GALNT13: variants seen among roughly 807,000 people sequenced by gnomAD.
The protein encoded by GALNT13 is polypeptide N-acetylgalactosaminyltransferase 13.
Under a neutral mutation model 64.2 loss-of-function variants are expected in GALNT13, and 28 were observed. That is an observed-to-expected ratio of 0.44 (90% CI 0.32 to 0.60). GALNT13 has a LOEUF of 0.60. Among genes scored for constraint, GALNT13 ranks in the 20% least tolerant of loss-of-function variants. The pLI is 0.05. For missense variants in GALNT13, 577 were observed against 669.8 expected, an observed-to-expected ratio of 0.86 and a Z score of 1.53; for synonymous variants, 214 against 224.6, an observed-to-expected ratio of 0.95 and a Z score of 0.42.
intron 9 of GALNT13, among the ~76,000 whole-genome samples, chr2:154,354,405 CTTTTTTTTTTTTTTTTTTTTTTTTTTTT>C (rs546187850): frequency 1.7e-5 from 1 of 60,360 alleles, no homozygotes; most frequent in African/African-American, 6.9e-5. Flanking sequence ...TGATGTAGTC[CTTTTTTTTTTTTTTTTTTTTTTTTTTTT>C]TTTTTTTTTT....
At chr2:153,675,978 G>A in the GALNT13 span, among the ~76,000 whole-genome samples, 1 of 151,990 alleles carries the variant, frequency 6.6e-6, no homozygotes, top group South Asian at 2.1e-4. Flanking sequence ...GAGCAAATCA[G>A]CCCCAAAGCT....
intron 1 of GALNT13, among the ~76,000 whole-genome samples, chr2:153,880,239 T>C (rs1425134396): frequency 6.6e-6 from 1 of 152,150 alleles, no homozygotes; most frequent in Non-Finnish European, 1.5e-5. Flanking sequence ...TAAGATGGAA[T>C]ATTTGTAATT....
the GALNT13 span, among the ~76,000 whole-genome samples, chr2:153,632,590 T>G: frequency 6.6e-6 from 1 of 152,164 alleles, no homozygotes; most frequent in Non-Finnish European, 1.5e-5. Flanking sequence ...TTTTACTATC[T>G]CAATAGTTTT....
chr2:154,225,122 A>AGATAGATAGAT (rs1553499052), intron 4 of GALNT13, among the ~76,000 whole-genome samples: 1 of 141,296 alleles, frequency 7.1e-6, no homozygotes, highest in East Asian at 2.1e-4. Context: ...ATAGATAGAT[A>AGATAGATAGAT]GATAGATAGA....
chr2:153,197,721 G>A, the GALNT13 span, among the ~76,000 whole-genome samples: 1 of 152,326 alleles, frequency 6.6e-6, no homozygotes, highest in African/African-American at 2.4e-5. Context: ...AAACACAGAG[G>A]CCCTCCTGCT....
the GALNT13 span, among the ~76,000 whole-genome samples, chr2:153,276,670 G>A: frequency 1.3e-5 from 2 of 149,662 alleles, no homozygotes; most frequent in Non-Finnish European, 3.0e-5. Flanking sequence ...ACTAAGTTGA[G>A]TACCTTCTCT....
intron 4 of GALNT13, chr2:154,236,129 C>T (rs1689178651): frequency 1.8e-6 from 2 of 1,137,496 alleles, no homozygotes; most frequent in South Asian, 1.9e-5. Flanking sequence ...TTCTGACTTT[C>T]CCTGCTTTCG....
At chr2:153,411,447 A>T in the GALNT13 span, among the ~76,000 whole-genome samples, 1 of 152,124 alleles carries the variant, frequency 6.6e-6, no homozygotes, top group African/African-American at 2.4e-5. Flanking sequence ...AGAGGCAACT[A>T]ATTTCTTTAG....
the GALNT13 span, among the ~76,000 whole-genome samples, chr2:153,281,526 T>G: frequency 1.3e-5 from 2 of 152,300 alleles, no homozygotes; most frequent in African/African-American, 4.8e-5. Flanking sequence ...TATTGTTCTT[T>G]CATTTTCAGG....
the GALNT13 span, among the ~76,000 whole-genome samples, chr2:153,658,215 T>C: frequency 6.6e-6 from 1 of 152,140 alleles, no homozygotes; most frequent in South Asian, 2.1e-4. Context: ...TCCTCTATTC[T>C]TCAAAATGCT....
intron 4 of GALNT13, among the ~76,000 whole-genome samples, chr2:154,175,732 A>G (rs1472462964): frequency 6.6e-6 from 1 of 152,188 alleles, no homozygotes; most frequent in Non-Finnish European, 1.5e-5. Flanking sequence ...AGGGTAATAT[A>G]TACTGGAAAA....
In GALNT13 at chr2:154,252,124, C is replaced by T. The variant is rs1201670229; in HGVS notation, c.857+6142C>T. Among the ~76,000 whole-genome samples the T allele has an allele frequency of 2.0e-5, 3 of 151,816 alleles. No individual in the cohort carries two copies. In the East Asian group the frequency reaches 5.8e-4, roughly 29 times the overall value. On this transcript the variant is annotated intron_variant, in intron 7 of 12. Coordinates refer to ENST00000392825, the MANE Select transcript of GALNT13 (RefSeq NM_052917.4). Reference sequence around the variant, plus strand: ...TAATAGCTTAGAACTAAGCTGTGGTCTCTGAAACATTCTTAGGAGTTTTTC... The same window carrying T: ...TAATAGCTTAGAACTAAGCTGTGGTTTCTGAAACATTCTTAGGAGTTTTTC...
At chr2:153,439,947 G>A in the GALNT13 span, among the ~76,000 whole-genome samples, 2 of 152,154 alleles carry the variant, frequency 1.3e-5, no homozygotes, top group South Asian at 4.2e-4. Context: ...GTTCCTATTC[G>A]GCCGTCTTGG....
the GALNT13 span, among the ~76,000 whole-genome samples, chr2:153,102,464 T>G: frequency 2.0e-5 from 3 of 152,194 alleles, no homozygotes; most frequent in Non-Finnish European, 2.9e-5. Context: ...GCTCCCCAAT[T>G]TTCAGTTTAA....
intron 11 of GALNT13, chr2:154,437,729 C>CCT (rs760307231): frequency 4.5e-5 from 18 of 395,744 alleles, no homozygotes; most frequent in Middle Eastern, 8.7e-4. Context: ...GTGGCGCATG[C>CCT]CTGTAGTCCC....
chr2:153,895,379 T>C (rs1687819844), intron 1 of GALNT13, among the ~76,000 whole-genome samples: 2 of 152,190 alleles, frequency 1.3e-5, no homozygotes, highest in Admixed American at 6.6e-5. Flanking sequence ...CATTTTTCTT[T>C]TTTTAGCTCA....
chr2:153,279,218 A>G, the GALNT13 span, among the ~76,000 whole-genome samples: 1 of 152,108 alleles, frequency 6.6e-6, no homozygotes, highest in Non-Finnish European at 1.5e-5. Flanking sequence ...TGTATCCTCC[A>G]TCTTTACTAA....
At chr2:153,273,724 G>C in the GALNT13 span, among the ~76,000 whole-genome samples, 55 of 152,312 alleles carry the variant, frequency 3.6e-4, no homozygotes, top group South Asian at 0.011. Context: ...GATTTTCAGT[G>C]AGTGTCACAG....
chr2:153,881,550 G>A (rs1686788137), intron 1 of GALNT13, among the ~76,000 whole-genome samples: 1 of 152,098 alleles, frequency 6.6e-6, no homozygotes, highest in Non-Finnish European at 1.5e-5. Context: ...CACTTCATTT[G>A]CTGTTGCAGA....
Sources: allele counts gnomAD v4.1 joint callset (sites outside exome capture counted in the v4.1 genomes callset), GRCh38; gene constraint gnomAD v4.1.1; transcripts MANE v1.5; gene names NCBI Gene and HGNC (gene_info 2026-07-23, HGNC 2026-07-21).